SEPTIN14: variants seen among roughly 807,000 people sequenced by gnomAD.
SEPTIN14 encodes septin-14.
A neutral mutation model predicts 53.6 loss-of-function variants in SEPTIN14; 40 were observed. The observed-to-expected ratio is 0.75, with a 90% CI of 0.58 to 0.97. The LOEUF (loss-of-function observed/expected upper bound fraction) is 0.97, where lower values mean the gene tolerates loss of function less well. Ranked by LOEUF, SEPTIN14 falls within the 50% of genes least tolerant of loss-of-function variation. The pLI, the probability that SEPTIN14 is intolerant of heterozygous loss-of-function variation, is 0.00. For synonymous variants in SEPTIN14, 138 were observed against 166.8 expected (o/e 0.83, Z 1.33); for missense variants, 471 against 508.2 (o/e 0.93, Z 0.70).
chr7:55,806,181 A>G (rs1361735553), intron 8 of SEPTIN14, among the ~76,000 whole-genome samples: 1 of 151,798 alleles, frequency 6.6e-6, no homozygotes, highest in African/African-American at 2.4e-5. Context: ...TTGTATTTTT[A>G]GTAGGGACGG....
chr7:55,842,558 A>G lies in SEPTIN14; in HGVS notation c.558+384T>C, dbSNP rs910457878. 2.7e-5 allele frequency among the ~76,000 whole-genome samples: 4 copies of G among 150,900 alleles called. No individual in the cohort carries two copies. In the East Asian group the frequency reaches 5.9e-4, roughly 22 times the overall value. On this transcript the variant is annotated intron_variant, in intron 5 of 9. Coordinates refer to ENST00000388975, the MANE Select transcript of SEPTIN14 (RefSeq NM_207366.3). ...GTTGAGGCTGCAGTGAGCTATGATG[A>G]CGCCACTGCACTCTAGCCTGGGTGA...
chr7:55,854,710 G>A (rs1789582583), intron 2 of SEPTIN14, among the ~76,000 whole-genome samples: 1 of 152,018 alleles, frequency 6.6e-6, no homozygotes, highest in Non-Finnish European at 1.5e-5. Context: ...TTACAGGCGT[G>A]AGCTACCACA....
rs1473575398 is a variant in SEPTIN14 at position 55,794,770 on chromosome 7, C to G, written c.*1143G>C. On this transcript the variant is annotated 3_prime_UTR_variant, in exon 10 of 10. Transcript: ENST00000388975. Reference sequence around the variant, plus strand: ...GCTACAAGCGATTCTCCTGCCTCAGCTTTCCGAGTAGCAGGGACTACAGGT... The same window carrying G: ...GCTACAAGCGATTCTCCTGCCTCAGGTTTCCGAGTAGCAGGGACTACAGGT... 6.6e-6 allele frequency: 1 copy of G among 152,202 alleles called. No individual in the cohort carries two copies. The highest frequency in any genetic ancestry group is 1.5e-5 in the Non-Finnish European group (1 of 68,074). 9.4% of individuals were successfully genotyped at this position (152,202 alleles called of 1,614,324 possible).
intron 9 of SEPTIN14, among the ~76,000 whole-genome samples, chr7:55,803,593 T>C (rs1788558945): frequency 6.6e-6 from 1 of 151,588 alleles, no homozygotes; most frequent in Admixed American, 6.6e-5. Flanking sequence ...AATCAGTATG[T>C]CAAAGAGATA....
chr7:55,862,035 T>A, intron 1 of SEPTIN14, 24 bp from the exon 2 acceptor site: 1 of 1,413,868 alleles, frequency 7.1e-7, no homozygotes, highest in Non-Finnish European at 9.6e-7. Context: ...AAAATAAACA[T>A]TTTTAAAAAT....
At chr7:55,816,512 A>C (rs1236953320) in intron 7 of SEPTIN14, among the ~76,000 whole-genome samples, 1 of 152,018 alleles carries the variant, frequency 6.6e-6, no homozygotes, top group Non-Finnish European at 1.5e-5. Flanking sequence ...ATTAAAAAAC[A>C]CAGGCCCAGT....
chr7:55,811,943 G>A (rs373887520), intron 7 of SEPTIN14, among the ~76,000 whole-genome samples: 4 of 151,916 alleles, frequency 2.6e-5, no homozygotes, highest in African/African-American at 7.3e-5. Context: ...ACAGGCGCCC[G>A]CCACCACACA....
chr7:55,807,137 C>A lies in SEPTIN14; in HGVS notation c.939G>T (p.Leu313=), dbSNP rs368318580. ...QHYECYRYQK[L]QKMGFTDVGP... is the part of the protein sequence containing the mutation. ...CCACATCTGTAAAGCCCATTTTCTG[C>A]AGTTTTTGGTACCTATAACATTCAT... Residue 313 remains leucine (L), a synonymous_variant, in exon 8 of 10, where the codon CTG becomes CTT. Coordinates refer to ENST00000388975, the MANE Select transcript of SEPTIN14 (RefSeq NM_207366.3). 4.9e-5 allele frequency: 79 copies of A among 1,604,762 alleles called. No homozygotes were observed. In the Admixed American group the frequency reaches 7.1e-4, roughly 14 times the overall value.
chr7:55,842,794 T>C (rs1789335948), intron 5 of SEPTIN14, 148 bp downstream of exon 5: 2 of 425,700 alleles, frequency 4.7e-6, no homozygotes, highest in Non-Finnish European at 8.2e-6. Flanking sequence ...GTGCCTGTAG[T>C]CCCAGCTACT....
intron 6 of SEPTIN14, among the ~76,000 whole-genome samples, chr7:55,831,478 G>T (rs942538214): frequency 1.3e-5 from 2 of 152,212 alleles, no homozygotes; most frequent in Admixed American, 6.5e-5. Context: ...TTTAACTCAA[G>T]ACGTATTAAT....
At position 55,832,202 on chromosome 7, in the gene SEPTIN14, A is replaced by AACAC. The variant is rs112349116; in HGVS notation, c.720+2219_720+2222dup. ...AGTGACAGGGCGAGACTCTGTCTCAAACACACACACACACACACACACACA... is the reference window on the plus strand; with the variant it reads ...AGTGACAGGGCGAGACTCTGTCTCAAACACACACACACACACACACACACACACA... On this transcript the variant is annotated intron_variant, in intron 6 of 9. Coordinates refer to ENST00000388975, the MANE Select transcript of SEPTIN14 (RefSeq NM_207366.3). Among the ~76,000 whole-genome samples the AACAC allele has an allele frequency of 3.1e-3, 447 of 145,094 alleles. 1 individual carries two copies. The highest frequency in any genetic ancestry group is 9.8e-3 in the African/African-American group (386 of 39,364).
In SEPTIN14 at chr7:55,819,110, C is replaced by A. The variant is rs375176436; in HGVS notation, c.817+17G>T. On this transcript the variant is annotated intron_variant, in intron 7 of 9. Transcript: ENST00000388975. ...TTTAACTTAATCATTCCAAAGCCTG[C>A]CCTCTGTCATTTTTACCTTGCAAAA... 497 of 1,426,810 alleles carry A rather than the reference C, an allele frequency of 3.5e-4. 2 individuals are homozygous for A. The Middle Eastern group carries it at 5.8e-3, about 17-fold the overall frequency. The allele number at this position is 1,426,810 out of a possible 1,614,324, so 88.4% of individuals were successfully genotyped here.
chr7:55,806,825 T>C (rs752963665), intron 8 of SEPTIN14, among the ~76,000 whole-genome samples: 2 of 152,292 alleles, frequency 1.3e-5, no homozygotes, highest in Admixed American at 6.5e-5. Context: ...AACAAAATAC[T>C]GGGTTTTTTC....
chr7:55,803,778 A>T (rs1019701272), intron 9 of SEPTIN14, among the ~76,000 whole-genome samples: 1 of 152,036 alleles, frequency 6.6e-6, no homozygotes, highest in African/African-American at 2.4e-5. Flanking sequence ...TGGGAGAGAA[A>T]GAGAAAATTT....
chr7:55,819,404 A>G (rs1788853645), intron 6 of SEPTIN14, among the ~76,000 whole-genome samples, 181 bp from the exon 7 acceptor site: 1 of 152,132 alleles, frequency 6.6e-6, no homozygotes, highest in East Asian at 1.9e-4. Context: ...CCTGGCTATC[A>G]TGGCGGAACC....
intron 7 of SEPTIN14, among the ~76,000 whole-genome samples, chr7:55,809,013 T>C (rs149011109): frequency 6.4e-4 from 97 of 152,250 alleles, no homozygotes; most frequent in African/African-American, 2.2e-3. Context: ...AGAATCAATC[T>C]AAATGCCCAT....
At chr7:55,843,767 G>A (rs1789355709) in intron 4 of SEPTIN14, among the ~76,000 whole-genome samples, 1 of 152,196 alleles carries the variant, frequency 6.6e-6, no homozygotes, top group Non-Finnish European at 1.5e-5. Context: ...AGGAGACAAA[G>A]CTTACAGTGA....
rs1374892039 is a variant in SEPTIN14 at position 55,830,338 on chromosome 7, TATATATATA to T, written c.720+4078_720+4086del. On this transcript the variant is annotated intron_variant, in intron 6 of 9. Transcript: ENST00000388975. ...ATCCAACTGTATATATATATATATA[TATATATATA>T]TATTTTTTTTTTTTTTTGAGACGGA... Among the ~76,000 whole-genome samples the T allele has an allele frequency of 4.9e-4, 22 of 44,722 alleles. 1 individual carries two copies. The highest frequency in any genetic ancestry group is 1.4e-3 in the African/African-American group (18 of 12,428). 29.3% of individuals were successfully genotyped at this position (44,722 alleles called of 152,430 possible). A position where few individuals can be genotyped will look rare whatever the true frequency, so the allele number is the denominator to read the frequency against.
At chr7:55,818,674 T>C (rs1444634582) in intron 7 of SEPTIN14, among the ~76,000 whole-genome samples, 2 of 152,156 alleles carry the variant, frequency 1.3e-5, no homozygotes, top group Non-Finnish European at 2.9e-5. Context: ...TACTTTCTTG[T>C]TTTAAAAAGT....
Sources: gnomAD v4.1 joint callset for allele counts (sites outside exome capture counted in the v4.1 genomes callset) on GRCh38, gnomAD v4.1.1 for gene constraint, MANE v1.5 for transcripts, NCBI Gene and HGNC (gene_info 2026-07-23, HGNC 2026-07-21) for gene names.